Variants in KDM3A observed in about 807,000 individuals in gnomAD.
KDM3A encodes the protein lysine demethylase 3A.
KDM3A carries 60 observed loss-of-function variants against 158.0 expected under a neutral mutation model. That is an observed-to-expected ratio of 0.38 (90% CI 0.31 to 0.47). The LOEUF (loss-of-function observed/expected upper bound fraction) is 0.47. KDM3A is among the 20% of genes least tolerant of loss of function. The pLI is 0.99. For missense variants in KDM3A, 1,319 were observed against 1,574.3 expected (o/e 0.84, Z 2.74); for synonymous variants, 608 against 549.3 (o/e 1.11, Z -1.49).
At chr2:86,450,111 C>T (rs1325720640) in intron 3 of KDM3A, 149 bp downstream of exon 3, 3 of 789,552 alleles carry the variant, frequency 3.8e-6, no homozygotes, top group Admixed American at 2.9e-5. Flanking sequence ...CACTTCTGAG[C>T]GAGTCCCTTG....
chr2:86,471,331 G>C (rs1407277923), intron 11 of KDM3A, among the ~76,000 whole-genome samples: 1 of 151,260 alleles, frequency 6.6e-6, no homozygotes, highest in Non-Finnish European at 1.5e-5. Flanking sequence ...ATGTGTATGT[G>C]TGTATATATG....
At chr2:86,477,049 C>G (rs1263528568) in intron 12 of KDM3A, among the ~76,000 whole-genome samples, 1 of 152,138 alleles carries the variant, frequency 6.6e-6, no homozygotes, top group African/African-American at 2.4e-5. Context: ...TTGCTGATAA[C>G]CTGGTTTGGT....
At chr2:86,480,847 GA>G (rs1277531592) in intron 16 of KDM3A, among the ~76,000 whole-genome samples, 1 of 152,182 alleles carries the variant, frequency 6.6e-6, no homozygotes, top group Non-Finnish European at 1.5e-5. Context: ...TTAGAAAGAG[GA>G]AAAGGAATAT....
intron 9 of KDM3A, among the ~76,000 whole-genome samples, chr2:86,465,241 C>G (rs753075891): frequency 2.0e-5 from 3 of 152,168 alleles, no homozygotes; most frequent in Non-Finnish European, 2.9e-5. Flanking sequence ...CCAAATCGTT[C>G]TGTGAATAAC....
chr2:86,489,228 C>A, intron 21 of KDM3A, 90 bp from the exon 22 acceptor site: 1 of 1,419,670 alleles, frequency 7.0e-7, no homozygotes, highest in Non-Finnish European at 9.6e-7. Context: ...AAGAGTCAAT[C>A]AGGGACCTAC....
At position 86,451,088 on chromosome 2, in the gene KDM3A, T is replaced by A; in HGVS notation, c.343-15T>A. 6.4e-7 allele frequency: 1 copy of A among 1,558,708 alleles called. No individual in the cohort carries two copies. Among genetic ancestry groups the A allele is most frequent in the Non-Finnish European group, 8.7e-7 (1 of 1,147,290 alleles). ...GACAGCAGTTATGATGCTAAAGTGT[T>A]TTCTTTTGTTTTAGACGTACAAACC... On this transcript the variant is annotated splice_polypyrimidine_tract_variant and intron_variant, in intron 3 of 25. Coordinates refer to ENST00000312912, the MANE Select transcript of KDM3A (RefSeq NM_018433.6).
Position 86,489,371 on chromosome 2 carries a change from G to A in KDM3A, c.3367G>A (p.Val1123Ile), listed in dbSNP as rs550197392. ...KYGTTNLHLD[V>I]SDAANVMVYV... ...TGGAACAACAAATCTTCACTTAGAT[G>A]TATCTGATGCAGCTAATGTCATGGT... Residue 1123 changes from valine (V) to isoleucine (I), a missense_variant, in exon 22 of 26, where the codon GTA (valine) becomes ATA (isoleucine). By Grantham distance (29) the Val-to-Ile change is conservative. Transcript: ENST00000312912. 1 of 1,614,002 alleles carries A rather than the reference G, an allele frequency of 6.2e-7. No individual in the cohort carries two copies. Among genetic ancestry groups the A allele is most frequent in the South Asian group, 1.1e-5 (1 of 91,076 alleles).
intron 11 of KDM3A, among the ~76,000 whole-genome samples, chr2:86,472,161 A>AG (rs772396085): frequency 3.3e-5 from 2 of 61,350 alleles, no homozygotes; most frequent in Non-Finnish European, 6.1e-5. Flanking sequence ...ATATGATTAG[A>AG]GCTTTTTTTT....
chr2:86,476,686 A>G (rs1343006162), intron 12 of KDM3A, among the ~76,000 whole-genome samples: 1 of 152,228 alleles, frequency 6.6e-6, no homozygotes, highest in East Asian at 1.9e-4. Flanking sequence ...AGTCTAATCC[A>G]GGTGTCCAAG....
intron 11 of KDM3A, among the ~76,000 whole-genome samples, chr2:86,474,571 G>A (rs1364889236): frequency 6.6e-6 from 1 of 151,880 alleles, no homozygotes; most frequent in African/African-American, 2.4e-5. Context: ...GCTGAGGCAG[G>A]GAGAGTTGCT....
chr2:86,477,303 C>T (rs1439585545), intron 12 of KDM3A, among the ~76,000 whole-genome samples: 1 of 152,204 alleles, frequency 6.6e-6, no homozygotes, highest in Non-Finnish European at 1.5e-5. Context: ...TGATCTTGGA[C>T]CATTGTGCCT....
At chr2:86,437,145 T>C (rs1297809333), upstream of KDM3A, among the ~76,000 whole-genome samples, 2 of 152,160 alleles carry the variant, frequency 1.3e-5, no homozygotes, top group African/African-American at 2.4e-5. Context: ...ATACATTATA[T>C]ACTTTTTTTT....
chr2:86,457,944 C>T (rs1439506084), intron 8 of KDM3A, among the ~76,000 whole-genome samples: 2 of 152,130 alleles, frequency 1.3e-5, no homozygotes. Context: ...TGAATTAAAT[C>T]ATTAGGACCT....
At chr2:86,466,166 C>A (rs755602685) in intron 9 of KDM3A, among the ~76,000 whole-genome samples, 1 of 148,882 alleles carries the variant, frequency 6.7e-6, no homozygotes, top group Non-Finnish European at 1.5e-5. Flanking sequence ...TTGTATTTTT[C>A]TGAGTGTTTA....
intron 12 of KDM3A, among the ~76,000 whole-genome samples, chr2:86,475,258 A>G (rs1158487319): frequency 1.3e-5 from 2 of 152,192 alleles, no homozygotes; most frequent in Admixed American, 6.5e-5. Flanking sequence ...CAGCCTCACC[A>G]GCAGTGCAGG....
chr2:86,445,344 C>T (rs1682911277), intron 2 of KDM3A, among the ~76,000 whole-genome samples: 1 of 152,212 alleles, frequency 6.6e-6, no homozygotes, highest in Middle Eastern at 3.2e-3. Context: ...TTAGATGTGG[C>T]TATAAAGACT....
intron 11 of KDM3A, 111 bp from the exon 12 acceptor site, chr2:86,474,663 CAA>C (rs765315792): frequency 0.021 from 8,563 of 407,594 alleles, no homozygotes; most frequent in Middle Eastern, 0.034. Context: ...GACTCCATCC[CAA>C]AAAAAAAAAA....
At chr2:86,466,939 A>C in intron 10 of KDM3A, 56 bp downstream of exon 10, 4 of 1,333,406 alleles carry the variant, frequency 3.0e-6, no homozygotes, top group Non-Finnish European at 4.1e-6. Context: ...AGATATATAT[A>C]TCTCTTTCTT....
intron 17 of KDM3A, 62 bp from the exon 18 acceptor site, chr2:86,482,396 A>G (rs1673977197): frequency 1.1e-5 from 18 of 1,580,792 alleles, no homozygotes; most frequent in Non-Finnish European, 1.4e-5. Flanking sequence ...CATTATGGGA[A>G]TGGAGTTTCT....
Sources: gnomAD v4.1 joint callset for allele counts (sites outside exome capture counted in the v4.1 genomes callset) on GRCh38, gnomAD v4.1.1 for gene constraint, MANE v1.5 for transcripts, NCBI Gene and HGNC (gene_info 2026-07-23, HGNC 2026-07-21) for gene names.